Variants in LRRC20 observed in about 807,000 individuals in gnomAD.
The protein encoded by LRRC20 is leucine rich repeat containing 20.
Under a neutral mutation model 14.4 loss-of-function variants are expected in LRRC20, and 11 were observed. That is an observed-to-expected ratio of 0.77 (90% CI 0.48 to 1.27). The LOEUF (loss-of-function observed/expected upper bound fraction) is 1.27. Ranked by LOEUF, LRRC20 falls within the 50% of genes most tolerant of loss-of-function variation. The probability of loss-of-function intolerance (pLI) is 0.00; values close to 1 mark genes in which losing one functional copy is unlikely to be tolerated. For missense variants in LRRC20, 219 were observed against 251.2 expected, an observed-to-expected ratio of 0.87 and a Z score of 0.87; for synonymous variants, 121 against 107.3, an observed-to-expected ratio of 1.13 and a Z score of -0.79.
chr10:70,337,156 C>G (rs1035600748), intron 3 of LRRC20, among the ~76,000 whole-genome samples: 2 of 152,186 alleles, frequency 1.3e-5, no homozygotes, highest in African/African-American at 4.8e-5. Flanking sequence ...CTTGTTCTCT[C>G]CCCAGCACTA....
At chr10:70,350,056 C>A (rs10999285) in intron 2 of LRRC20, among the ~76,000 whole-genome samples, 14,031 of 152,264 alleles carry the variant, frequency 0.092, 1,056 homozygotes, top group African/African-American at 0.2. Context: ...TTCTTCTACA[C>A]TTTCTCAGAG....
chr10:70,376,668 T>A (rs776958587), intron 1 of LRRC20, 72 bp from the exon 2 acceptor site: 6 of 781,752 alleles, frequency 7.7e-6, no homozygotes, highest in Non-Finnish European at 1.3e-5. Context: ...CCCTCCAGCA[T>A]CCTTCTCCCC....
intron 4 of LRRC20, among the ~76,000 whole-genome samples, chr10:70,320,351 G>A (rs560148560): frequency 2.9e-5 from 4 of 138,052 alleles, no homozygotes; most frequent in African/African-American, 1.1e-4. Context: ...AGATAGATCT[G>A]TGCATGCACA....
intron 2 of LRRC20, 120 bp from the exon 3 acceptor site, chr10:70,340,822 T>C: frequency 2.9e-6 from 3 of 1,049,694 alleles, no homozygotes; most frequent in East Asian, 2.6e-5. Flanking sequence ...CTCCCACCTG[T>C]CTCCCCAGGA....
chr10:70,354,843 TGACCCTC>T, intron 2 of LRRC20, among the ~76,000 whole-genome samples: 1 of 152,206 alleles, frequency 6.6e-6, no homozygotes, highest in Non-Finnish European at 1.5e-5. Context: ...GAGGCACACG[TGACCCTC>T]GGTGTGGAGG....
At chr10:70,319,418 C>G (rs1466840528) in intron 4 of LRRC20, among the ~76,000 whole-genome samples, 2 of 152,132 alleles carry the variant, frequency 1.3e-5, no homozygotes, top group Non-Finnish European at 2.9e-5. Context: ...CTGGGGTGAA[C>G]AAGCTGACTG....
chr10:70,340,573 G>A lies in LRRC20; in HGVS notation c.212C>T (p.Thr71Ile), dbSNP rs1842875170. 6.2e-7 allele frequency: 1 copy of A among 1,614,224 alleles called. No homozygotes were observed. Among genetic ancestry groups the A allele is most frequent in the Admixed American group, 1.7e-5 (1 of 60,036 alleles). The change falls in exon 3 of 5, where the codon ACC (threonine) becomes ATC (isoleucine). Residue 71 changes from threonine to isoleucine, a missense_variant. Thr to Ile is a moderately conservative substitution (Grantham distance 89). Transcript: ENST00000446961. ...CCTACCTCGGAGCTGACTGAATGTG[G>A]TCATGAACTTGCTGGTGAGGGACTT... ...ELKSLTSKFM[T>I]TFSQLRELHL...
At chr10:70,382,415 G>C (rs989316635) in intron 1 of LRRC20, 134 bp downstream of exon 1, 3 of 152,336 alleles carry the variant, frequency 2.0e-5, no homozygotes, top group African/African-American at 7.2e-5. Context: ...GGGGAGGGGA[G>C]GGGACGCTGC....
intron 2 of LRRC20, among the ~76,000 whole-genome samples, chr10:70,353,692 T>C (rs995356422): frequency 6.6e-6 from 1 of 152,190 alleles, no homozygotes; most frequent in Non-Finnish European, 1.5e-5. Context: ...CTATTCCTGT[T>C]GTACAGAGGA....
At chr10:70,331,715 G>C (rs1431002590) in intron 3 of LRRC20, among the ~76,000 whole-genome samples, 2 of 152,122 alleles carry the variant, frequency 1.3e-5, no homozygotes, top group South Asian at 2.1e-4. Context: ...TCCCAGGATG[G>C]ACCGGGGCTC....
intron 4 of LRRC20, among the ~76,000 whole-genome samples, chr10:70,302,009 T>A (rs1379686717): frequency 6.6e-6 from 1 of 152,186 alleles, no homozygotes; most frequent in Non-Finnish European, 1.5e-5. Context: ...ACAACATGAA[T>A]GAACCTTGAA....
At position 70,316,924 on chromosome 10, in the gene LRRC20, C is replaced by A. The variant is rs374145777; in HGVS notation, c.400+6939G>T. On this transcript the variant is annotated intron_variant, in intron 4 of 4. Transcript: ENST00000446961. Reference sequence around the variant, plus strand: ...GGCATGAAGCTGCTGGGCATGCAGGCAAGAAGCTACCACCTCGGAGGGCAA... The same window carrying A: ...GGCATGAAGCTGCTGGGCATGCAGGAAAGAAGCTACCACCTCGGAGGGCAA... 2.0e-5 allele frequency among the ~76,000 whole-genome samples: 3 copies of A among 152,316 alleles called. No individual in the cohort carries two copies. In the East Asian group the frequency reaches 5.8e-4, roughly 29 times the overall value.
At chr10:70,333,283 G>T (rs146335903) in intron 3 of LRRC20, among the ~76,000 whole-genome samples, 79 of 152,292 alleles carry the variant, frequency 5.2e-4, no homozygotes, top group Non-Finnish European at 8.5e-4. Context: ...TTCTGGGCTG[G>T]GGGGTGCAAG....
Position 70,300,932 on chromosome 10 carries a change from C to A in LRRC20, c.*422G>T. The A allele has an allele frequency of 1.0e-6, 1 of 993,740 alleles. No homozygotes were observed. Among genetic ancestry groups the A allele is most frequent in the South Asian group, 4.6e-5 (1 of 21,712 alleles). 61.6% of individuals were successfully genotyped at this position (993,740 alleles called of 1,614,324 possible). The stretch of plus-strand genomic sequence containing the variant: ...AGCAACTGGCTCTCAGCACTAAAAA[C>A]AAGGCCTCAAACCCGCAGGGGCTCA... On this transcript the variant is annotated 3_prime_UTR_variant, in exon 5 of 5. Transcript: ENST00000446961.
intron 3 of LRRC20, among the ~76,000 whole-genome samples, chr10:70,335,334 A>C (rs1842690154): frequency 6.6e-6 from 1 of 152,158 alleles, no homozygotes; most frequent in African/African-American, 2.4e-5. Flanking sequence ...TGGGGTCAGC[A>C]AGTCTCCATG....
chr10:70,351,821 A>G (rs529883009), intron 2 of LRRC20, among the ~76,000 whole-genome samples: 25 of 152,300 alleles, frequency 1.6e-4, no homozygotes, highest in African/African-American at 5.1e-4. Context: ...GATCCTAATC[A>G]CTGACTCTTG....
chr10:70,311,637 C>A (rs1439774655), intron 4 of LRRC20, among the ~76,000 whole-genome samples: 1 of 152,142 alleles, frequency 6.6e-6, no homozygotes, highest in Non-Finnish European at 1.5e-5. Context: ...GTTCTAGAAT[C>A]CTTTTATGAA....
At chr10:70,356,882 CAAAAA>C (rs533054891) in intron 2 of LRRC20, among the ~76,000 whole-genome samples, 1 of 149,886 alleles carries the variant, frequency 6.7e-6, no homozygotes, top group Non-Finnish European at 1.5e-5. Flanking sequence ...CAAAGCAAAA[CAAAAA>C]AAAACACCTG....
intron 4 of LRRC20, among the ~76,000 whole-genome samples, chr10:70,320,632 C>T (rs919528090): frequency 1.1e-4 from 16 of 152,280 alleles, no homozygotes; most frequent in Admixed American, 7.2e-4. Flanking sequence ...CCACACACCA[C>T]GCCCGATGCT....
Sources: gnomAD v4.1 joint callset for allele counts (sites outside exome capture counted in the v4.1 genomes callset) on GRCh38, gnomAD v4.1.1 for gene constraint, MANE v1.5 for transcripts, NCBI Gene and HGNC (gene_info 2026-07-23, HGNC 2026-07-21) for gene names.